The following BAZ1A variants were observed in gnomAD, a reference collection of about 807,000 sequenced individuals.
BAZ1A encodes the protein bromodomain adjacent to zinc finger domain protein 1A.
Under a neutral mutation model 185.2 loss-of-function variants are expected in BAZ1A, and 50 were observed. The observed-to-expected ratio is 0.27, with a 90% CI of 0.22 to 0.34. The LOEUF (loss-of-function observed/expected upper bound fraction) is 0.34. Among genes scored for constraint, BAZ1A ranks in the 10% least tolerant of loss-of-function variants. BAZ1A has a pLI of 1.00. For synonymous variants in BAZ1A, 571 were observed against 615.6 expected (o/e 0.93, Z 1.07); for missense variants, 1,356 against 1,839.9 (o/e 0.74, Z 4.81).
In BAZ1A at chr14:34,810,872, T is replaced by A. The variant is rs944508171; in HGVS notation, c.638+63A>T. On this transcript the variant is annotated intron_variant, in intron 5 of 26. Coordinates refer to ENST00000360310, the MANE Select transcript of BAZ1A (RefSeq NM_013448.3). ...TTCCCATTTGTTCTACATCAGACCT[T>A]CTTAATCTAACATACATAATTATTC... The A allele has an allele frequency of 1.7e-5, 20 of 1,207,764 alleles. No homozygotes were observed. The African/African-American group carries it at 3.0e-4, about 18-fold the overall frequency. 74.8% of individuals were successfully genotyped at this position (1,207,764 alleles called of 1,614,324 possible).
intron 19 of BAZ1A, among the ~76,000 whole-genome samples, chr14:34,774,011 C>T (rs1305520866): frequency 6.6e-6 from 1 of 152,072 alleles, no homozygotes; most frequent in African/African-American, 2.4e-5. Context: ...AAGGCATGAA[C>T]AGAATACATT....
chr14:34,813,758 A>C (rs1015389514), intron 4 of BAZ1A, among the ~76,000 whole-genome samples: 2 of 150,546 alleles, frequency 1.3e-5, no homozygotes, highest in African/African-American at 4.9e-5. Flanking sequence ...ACAAAATTTC[A>C]GCCAGGTGTG....
At chr14:34,767,799 A>G (rs1326491915) in intron 21 of BAZ1A, among the ~76,000 whole-genome samples, 1 of 152,194 alleles carries the variant, frequency 6.6e-6, no homozygotes, top group East Asian at 1.9e-4. Flanking sequence ...GCAGAGGTCA[A>G]TGTGAAGGAA....
At chr14:34,796,543 G>A (rs1051064567) in intron 9 of BAZ1A, among the ~76,000 whole-genome samples, 3 of 152,158 alleles carry the variant, frequency 2.0e-5, no homozygotes, top group African/African-American at 7.2e-5. Context: ...TATTAGAATA[G>A]ATGGACTTAT....
At chr14:34,787,402 G>T (rs1004498427) in intron 12 of BAZ1A, among the ~76,000 whole-genome samples, 18 of 139,214 alleles carry the variant, frequency 1.3e-4, no homozygotes, top group Non-Finnish European at 1.2e-4. Flanking sequence ...AAACCAGTGG[G>T]GGCCGGGCGC....
At chr14:34,860,655 C>A (rs1477784511) in intron 3 of BAZ1A, among the ~76,000 whole-genome samples, 1 of 151,850 alleles carries the variant, frequency 6.6e-6, no homozygotes, top group Non-Finnish European at 1.5e-5. Context: ...ACCTGTAATC[C>A]CAGCACTTTG....
chr14:34,786,093 GCC>G, intron 13 of BAZ1A, 31 bp downstream of exon 13: 1 of 1,566,048 alleles, frequency 6.4e-7, no homozygotes, highest in Admixed American at 2.1e-5. Context: ...AAAATAAAAA[GCC>G]AAACAAAAAA....
intron 3 of BAZ1A, among the ~76,000 whole-genome samples, chr14:34,839,107 A>C (rs1282895415): frequency 6.6e-6 from 1 of 152,182 alleles, no homozygotes; most frequent in African/African-American, 2.4e-5. Context: ...GAAAAGGCAA[A>C]CTTCAGGACA....
intron 4 of BAZ1A, among the ~76,000 whole-genome samples, chr14:34,816,279 G>T (rs1424234198): frequency 1.3e-5 from 2 of 151,664 alleles, no homozygotes; most frequent in Non-Finnish European, 1.5e-5. Flanking sequence ...AGTAGAGATG[G>T]GGTTTCACCG....
intron 3 of BAZ1A, among the ~76,000 whole-genome samples, chr14:34,839,388 A>G (rs1031621896): frequency 3.9e-5 from 6 of 151,926 alleles, no homozygotes. Flanking sequence ...AAAAATACAG[A>G]ATTTAGCCGG....
intron 3 of BAZ1A, among the ~76,000 whole-genome samples, chr14:34,827,972 AT>A (rs1304673683): frequency 2.4e-4 from 37 of 151,884 alleles, no homozygotes; most frequent in African/African-American, 8.7e-4. Context: ...ATGGGCCATG[AT>A]TTTAGACTCA....
chr14:34,780,377 G>A, intron 16 of BAZ1A, 67 bp from the exon 17 acceptor site: 1 of 1,492,270 alleles, frequency 6.7e-7, no homozygotes, highest in East Asian at 2.4e-5. Context: ...AATATTTATT[G>A]CTTGCTTATG....
chr14:34,789,362 T>C (rs1177032468), intron 12 of BAZ1A, among the ~76,000 whole-genome samples: 1 of 152,196 alleles, frequency 6.6e-6, no homozygotes, highest in Non-Finnish European at 1.5e-5. Flanking sequence ...TTAAATAAAG[T>C]AATATGCTAA....
At chr14:34,828,212 G>C (rs58268256) in intron 3 of BAZ1A, among the ~76,000 whole-genome samples, 32,322 of 146,594 alleles carry the variant, frequency 0.22, 3,730 homozygotes, top group Non-Finnish European at 0.26. Context: ...AGAATGGCTT[G>C]AACCCAGGAG....
chr14:34,753,426 A>G lies in BAZ1A; in HGVS notation c.*82T>C. On this transcript the variant is annotated 3_prime_UTR_variant, in exon 27 of 27. Transcript: ENST00000360310. ...ACTTTCATGTGGTCAATCAATTGTTATTGCTTTATACAGCATGATTTAATG... is the reference window on the plus strand; with the variant it reads ...ACTTTCATGTGGTCAATCAATTGTTGTTGCTTTATACAGCATGATTTAATG... The G allele has an allele frequency of 2.6e-6, 3 of 1,171,484 alleles. No homozygotes were observed. The highest frequency in any genetic ancestry group is 2.4e-6 in the Non-Finnish European group (2 of 824,902). The allele number at this position is 1,171,484 out of a possible 1,614,324, so 72.6% of individuals were successfully genotyped here. A position where few individuals can be genotyped will look rare whatever the true frequency, so the allele number is the denominator to read the frequency against.
Position 34,786,106 on chromosome 14 carries a change from AAAAC to A in BAZ1A, c.1606+16_1606+19del. On this transcript the variant is annotated intron_variant, in intron 13 of 26. Coordinates refer to ENST00000360310, the MANE Select transcript of BAZ1A (RefSeq NM_013448.3). ...TAAAAATAAAAAGCCAAACAAAAAA[AAAAC>A]AAAACCCACACATACCCTGGTGTAA... 1 of 1,578,654 alleles carries A rather than the reference AAAAC, an allele frequency of 6.3e-7. No individual in the cohort carries two copies. The highest frequency in any genetic ancestry group is 1.2e-5 in the South Asian group (1 of 84,394).
chr14:34,817,223 T>G (rs2042019209), intron 4 of BAZ1A, among the ~76,000 whole-genome samples: 1 of 150,622 alleles, frequency 6.6e-6, no homozygotes, highest in Non-Finnish European at 1.5e-5. Context: ...TAAATATAAA[T>G]CAATACACCC....
At chr14:34,768,727 C>T (rs1427508541) in intron 21 of BAZ1A, 1 of 428,038 alleles carries the variant, frequency 2.3e-6, no homozygotes, top group Non-Finnish European at 4.6e-6. Context: ...CTCTCTTTTT[C>T]TTGTCCTTTT....
chr14:34,763,910 C>T (rs1413311122), intron 23 of BAZ1A, among the ~76,000 whole-genome samples: 1 of 152,054 alleles, frequency 6.6e-6, no homozygotes, highest in Non-Finnish European at 1.5e-5. Flanking sequence ...ATTGAAATGG[C>T]AGTATCTTTG....
Sources: gnomAD v4.1 joint callset for allele counts (sites outside exome capture counted in the v4.1 genomes callset) on GRCh38, gnomAD v4.1.1 for gene constraint, MANE v1.5 for transcripts, NCBI Gene and HGNC (gene_info 2026-07-23, HGNC 2026-07-21) for gene names.